PLXDC2: variants seen among roughly 807,000 people sequenced by gnomAD.
The protein encoded by PLXDC2 is plexin domain-containing protein 2.
In PLXDC2, 40 loss-of-function variants were observed where a neutral mutation model predicts 68.9. The ratio of observed to expected loss-of-function variants is 0.58; its 90% CI spans 0.45 to 0.76. The LOEUF (loss-of-function observed/expected upper bound fraction) is 0.76. PLXDC2 is among the 30% of genes least tolerant of loss of function. The pLI, the probability that PLXDC2 is intolerant of heterozygous loss-of-function variation, is 0.00. For synonymous variants in PLXDC2, 243 were observed against 234.2 expected (o/e 1.04, Z -0.34); for missense variants, 644 against 661.9 (o/e 0.97, Z 0.30).
chr10:20,191,013 A>G (rs989066558), intron 9 of PLXDC2, among the ~76,000 whole-genome samples: 1 of 151,984 alleles, frequency 6.6e-6, no homozygotes, highest in East Asian at 1.9e-4. Context: ...CTTACCCGTT[A>G]AGAAGACCTG....
chr10:19,925,920 G>A (rs1479166229), intron 1 of PLXDC2, among the ~76,000 whole-genome samples: 4 of 152,164 alleles, frequency 2.6e-5, no homozygotes, highest in African/African-American at 9.7e-5. Context: ...GGGGTTGATC[G>A]TCTAAACTCT....
At chr10:19,855,436 C>T (rs1285204624) in intron 1 of PLXDC2, among the ~76,000 whole-genome samples, 1 of 152,124 alleles carries the variant, frequency 6.6e-6, no homozygotes. Context: ...TGTGTACCTT[C>T]AGGCAATTTA....
At chr10:19,859,403 G>C (rs993655541) in intron 1 of PLXDC2, among the ~76,000 whole-genome samples, 1 of 151,988 alleles carries the variant, frequency 6.6e-6, no homozygotes, top group Admixed American at 6.6e-5. Context: ...AATTTTTCTT[G>C]TTTCCAACAC....
chr10:20,205,695 T>C (rs1834981749), intron 9 of PLXDC2, among the ~76,000 whole-genome samples: 1 of 152,120 alleles, frequency 6.6e-6, no homozygotes, highest in East Asian at 1.9e-4. Context: ...AGAGGTATTA[T>C]TAGGTACAAA....
rs1834766196 is a variant in PLXDC2, at chr10:19,992,472, C to T, written c.113-9303C>T. 2.0e-5 allele frequency among the ~76,000 whole-genome samples: 3 copies of T among 152,156 alleles called. No homozygotes were observed. In the South Asian group the frequency reaches 6.2e-4, roughly 32 times the overall value. ...AAAGAAGCCTATTCCTTAAATAAAT[C>T]ACACAGATTTTATATGAAAATTCAG... On this transcript the variant is annotated intron_variant, in intron 1 of 13. Coordinates refer to ENST00000377252, the MANE Select transcript of PLXDC2 (RefSeq NM_032812.9).
chr10:19,847,049 T>C (rs1483431628), intron 1 of PLXDC2, among the ~76,000 whole-genome samples: 1 of 152,072 alleles, frequency 6.6e-6, no homozygotes. Flanking sequence ...GCCCCCATGC[T>C]TCAGTTACCT....
intron 2 of PLXDC2, among the ~76,000 whole-genome samples, chr10:20,019,622 A>G (rs1835270399): frequency 6.6e-6 from 1 of 152,196 alleles, no homozygotes. Flanking sequence ...AGAGAAAAAG[A>G]CATCCCTCTC....
intron 3 of PLXDC2, among the ~76,000 whole-genome samples, chr10:20,058,176 G>A (rs1182221393): frequency 1.3e-5 from 2 of 152,054 alleles, no homozygotes; most frequent in East Asian, 3.9e-4. Flanking sequence ...CATATTTATG[G>A]GGTACAGGTG....
At chr10:19,926,961 G>A (rs1393308958) in intron 1 of PLXDC2, among the ~76,000 whole-genome samples, 1 of 152,144 alleles carries the variant, frequency 6.6e-6, no homozygotes, top group African/African-American at 2.4e-5. Context: ...AAGTCTTTCT[G>A]TCTCTTTCCT....
intron 2 of PLXDC2, among the ~76,000 whole-genome samples, chr10:20,038,687 A>C (rs1265384134): frequency 1.3e-5 from 2 of 152,196 alleles, no homozygotes; most frequent in Non-Finnish European, 2.9e-5. Flanking sequence ...GTGTTTAAAT[A>C]ATGTTCATTT....
intron 1 of PLXDC2, among the ~76,000 whole-genome samples, chr10:19,948,335 A>G (rs1436492360): frequency 6.6e-6 from 1 of 151,550 alleles, no homozygotes; most frequent in Non-Finnish European, 1.5e-5. Flanking sequence ...AAACAAGACT[A>G]TTAACAGCAA....
chr10:20,263,488 A>G (rs1015205219), intron 13 of PLXDC2, among the ~76,000 whole-genome samples: 4 of 152,238 alleles, frequency 2.6e-5, no homozygotes, highest in Non-Finnish European at 4.4e-5. Flanking sequence ...AATTGTAACA[A>G]AAGCAAAAAT....
chr10:20,256,071 A>G (rs1564368892), intron 13 of PLXDC2, among the ~76,000 whole-genome samples: 1 of 152,050 alleles, frequency 6.6e-6, no homozygotes, highest in African/African-American at 2.4e-5. Flanking sequence ...TATAGATGAG[A>G]TAAATTTTAA....
At chr10:20,201,141 AGATCAATG>A (rs577148485) in intron 9 of PLXDC2, among the ~76,000 whole-genome samples, 96 of 152,262 alleles carry the variant, frequency 6.3e-4, no homozygotes, top group African/African-American at 2.0e-3. Flanking sequence ...CTCCAACAAC[AGATCAATG>A]GATGAAGAAA....
intron 12 of PLXDC2, among the ~76,000 whole-genome samples, chr10:20,242,712 T>C (rs571062440): frequency 2.0e-5 from 3 of 152,052 alleles, no homozygotes; most frequent in East Asian, 3.9e-4. Flanking sequence ...GGAGGTGCAA[T>C]GTTAATCCTT....
intron 4 of PLXDC2, among the ~76,000 whole-genome samples, chr10:20,103,597 A>T (rs75442064): frequency 0.3 from 45,069 of 150,064 alleles, 7,665 homozygotes; most frequent in East Asian, 0.59. Flanking sequence ...TGTGTGAGAG[A>T]GAGAGAGAGA....
At chr10:20,020,251 A>G (rs1441997646) in intron 2 of PLXDC2, among the ~76,000 whole-genome samples, 1 of 142,300 alleles carries the variant, frequency 7.0e-6, no homozygotes, top group Non-Finnish European at 1.5e-5. Context: ...AACTCCCAGC[A>G]TCAAGCAATC....
intron 1 of PLXDC2, among the ~76,000 whole-genome samples, chr10:19,820,907 G>T (rs574815262): frequency 3.5e-4 from 53 of 152,074 alleles, no homozygotes; most frequent in African/African-American, 1.2e-3. Flanking sequence ...GTGAAACCCC[G>T]CCTCTACTAA....
At chr10:20,206,649 TC>T (rs1431685477) in intron 9 of PLXDC2, among the ~76,000 whole-genome samples, 3 of 152,086 alleles carry the variant, frequency 2.0e-5, no homozygotes, top group Non-Finnish European at 4.4e-5. Flanking sequence ...GTGGTAAGAA[TC>T]CCCTGAAGGT....
Sources: allele counts gnomAD v4.1 joint callset (sites outside exome capture counted in the v4.1 genomes callset), GRCh38; gene constraint gnomAD v4.1.1; transcripts MANE v1.5; gene names NCBI Gene and HGNC (gene_info 2026-07-23, HGNC 2026-07-21).